Variants in OR3A2 observed in about 807,000 individuals in gnomAD.
The protein encoded by OR3A2 is olfactory receptor 3A2.
For synonymous variants in OR3A2, 126 were observed against 159.3 expected (o/e 0.79, Z 1.57); for missense variants, 318 against 392.8 (o/e 0.81, Z 1.61).
chr17:3,280,494 G>T (rs1291435888), intron 1 of OR3A2, among the ~76,000 whole-genome samples: 2 of 152,036 alleles, frequency 1.3e-5, no homozygotes, highest in Admixed American at 1.3e-4. Flanking sequence ...GGATGGTCTC[G>T]ATCTCCTGAC....
chr17:3,302,778 C>T (rs2048974981), intron 3 of OR3A2, among the ~76,000 whole-genome samples: 1 of 152,090 alleles, frequency 6.6e-6, no homozygotes, highest in Non-Finnish European at 1.5e-5. Flanking sequence ...CTGTTGGTCT[C>T]GTCAAAGTGC....
chr17:3,296,940 A>G (rs1050657542), intron 3 of OR3A2, among the ~76,000 whole-genome samples: 19 of 152,334 alleles, frequency 1.2e-4, no homozygotes, highest in South Asian at 6.2e-4. Context: ...TTTTCAAATT[A>G]CGTTTATGGA....
intron 3 of OR3A2, among the ~76,000 whole-genome samples, chr17:3,332,312 C>G (rs1164767197): frequency 6.6e-6 from 1 of 152,182 alleles, no homozygotes; most frequent in Non-Finnish European, 1.5e-5. Flanking sequence ...CCCCCAGCCT[C>G]GCTGCCGCCT....
At chr17:3,321,104 A>C (rs546033281) in intron 3 of OR3A2, among the ~76,000 whole-genome samples, 1 of 152,002 alleles carries the variant, frequency 6.6e-6, no homozygotes. Flanking sequence ...CATCCTTTGT[A>C]AGTTGGATTC....
Position 3,369,805 on chromosome 17 carries a change from C to CTTTTTTTTTTTTTT in OR3A2, c.-179+13985_-179+13998dup, listed in dbSNP as rs35233474. ...TTGAATGGTTTCCGTTAGATTGGTA[C>CTTTTTTTTTTTTTT]TTTTTTTTTTTTTTTTGAGGCAAGC... On this transcript the variant is annotated intron_variant, in intron 2 of 4. Transcript: ENST00000573491. Among the ~76,000 whole-genome samples the CTTTTTTTTTTTTTT allele has an allele frequency of 3.0e-5, 4 of 134,696 alleles. 1 individual carries two copies. The highest frequency in any genetic ancestry group is 3.1e-5 in the Non-Finnish European group (2 of 64,040). 88.4% of individuals were successfully genotyped at this position (134,696 alleles called of 152,430 possible).
chr17:3,380,283 G>A (rs927278799), intron 2 of OR3A2, among the ~76,000 whole-genome samples: 1 of 152,322 alleles, frequency 6.6e-6, no homozygotes, highest in Admixed American at 6.5e-5. Flanking sequence ...CAATACACGA[G>A]AACGACCTGC....
chr17:3,325,203 A>ATTTTTTTTTT (rs61124691), intron 3 of OR3A2, among the ~76,000 whole-genome samples: 2 of 108,616 alleles, frequency 1.8e-5, no homozygotes. Context: ...GATCCTTCCA[A>ATTTTTTTTTT]TTTTTTTTTT....
chr17:3,349,120 C>G (rs2049396333), intron 2 of OR3A2, among the ~76,000 whole-genome samples: 1 of 152,242 alleles, frequency 6.6e-6, no homozygotes, highest in East Asian at 1.9e-4. Context: ...GAAACCGCAT[C>G]AACTAACGTG....
chr17:3,370,402 G>C (rs528675142), intron 2 of OR3A2, among the ~76,000 whole-genome samples: 1 of 152,166 alleles, frequency 6.6e-6, no homozygotes, highest in Non-Finnish European at 1.5e-5. Flanking sequence ...GAGCTTATTT[G>C]GATTTTCTCT....
At chr17:3,279,031 C>T in intron 1 of OR3A2, 45 bp downstream of exon 4, 1 of 1,528,136 alleles carries the variant, frequency 6.5e-7, no homozygotes, top group Non-Finnish European at 8.8e-7. Context: ...AGTCCCCAGG[C>T]CATCCCTCAC....
At chr17:3,324,068 T>G (rs1435094815) in intron 3 of OR3A2, among the ~76,000 whole-genome samples, 1 of 152,052 alleles carries the variant, frequency 6.6e-6, no homozygotes, top group Non-Finnish European at 1.5e-5. Context: ...TTTTTGTTCT[T>G]TTTTCTCTAA....
At chr17:3,381,415 C>A (rs2049735749) in intron 2 of OR3A2, among the ~76,000 whole-genome samples, 1 of 151,954 alleles carries the variant, frequency 6.6e-6, no homozygotes, top group Non-Finnish European at 1.5e-5. Context: ...AAGCAGACAC[C>A]TGCCTGACCT....
In OR3A2 at chr17:3,333,020, C is replaced by A. The variant is rs149066312; in HGVS notation, c.-85+3013G>T. On this transcript the variant is annotated intron_variant, in intron 3 of 4. Transcript: ENST00000573491. The stretch of plus-strand genomic sequence containing the variant: ...AGATCTGACTGCCTGCAGGATTGGG[C>A]AGAATAGAGCCATATTTTTCTTCTT... 2.6e-5 allele frequency among the ~76,000 whole-genome samples: 4 copies of A among 152,260 alleles called. No individual in the cohort carries two copies. The East Asian group carries it at 7.7e-4, about 29-fold the overall frequency.
At chr17:3,295,032 A>G (rs1440484731) in intron 3 of OR3A2, among the ~76,000 whole-genome samples, 1 of 152,156 alleles carries the variant, frequency 6.6e-6, no homozygotes, top group Non-Finnish European at 1.5e-5. Flanking sequence ...TCTGCAGTCT[A>G]TAAACTGGTG....
intron 3 of OR3A2, among the ~76,000 whole-genome samples, chr17:3,332,729 T>G (rs953503566): frequency 4.6e-5 from 7 of 152,196 alleles, no homozygotes; most frequent in Non-Finnish European, 7.3e-5. Context: ...TCCTCCCCTC[T>G]TATGCCTGTC....
intron 2 of OR3A2, among the ~76,000 whole-genome samples, chr17:3,350,109 C>G (rs1239314124): frequency 6.6e-6 from 1 of 150,738 alleles, no homozygotes. Flanking sequence ...ACCCTAACAT[C>G]ACAATTAAAA....
At chr17:3,371,434 C>T (rs866481772) in intron 2 of OR3A2, among the ~76,000 whole-genome samples, 1 of 126,842 alleles carries the variant, frequency 7.9e-6, no homozygotes, top group African/African-American at 2.6e-5. Context: ...GACCCCCCCA[C>T]CTCCCTCCCG....
intron 2 of OR3A2, among the ~76,000 whole-genome samples, chr17:3,344,220 G>A (rs2049344622): frequency 6.6e-6 from 1 of 152,100 alleles, no homozygotes; most frequent in Admixed American, 6.5e-5. Context: ...CTTCACTGCT[G>A]GCTGAGACTT....
At chr17:3,279,897 G>A (rs1402469543) in intron 1 of OR3A2, among the ~76,000 whole-genome samples, 1 of 152,178 alleles carries the variant, frequency 6.6e-6, no homozygotes, top group Admixed American at 6.5e-5. Flanking sequence ...ATTCATGATT[G>A]TGGATATCAG....
Sources: allele counts gnomAD v4.1 joint callset (sites outside exome capture counted in the v4.1 genomes callset), GRCh38; gene constraint gnomAD v4.1.1; transcripts MANE v1.5; gene names NCBI Gene and HGNC (gene_info 2026-07-23, HGNC 2026-07-21).